Variants in MCF2L2 observed in about 807,000 individuals in gnomAD.
MCF2L2 encodes the protein MCF.2 cell line derived transforming sequence-like 2.
Under a neutral mutation model 150.2 loss-of-function variants are expected in MCF2L2, and 102 were observed. The observed-to-expected ratio is 0.68, with a 90% CI of 0.58 to 0.80. The LOEUF (loss-of-function observed/expected upper bound fraction) is 0.80, where lower values mean the gene tolerates loss of function less well. Ranked by LOEUF, MCF2L2 falls within the 30% of genes least tolerant of loss-of-function variation. The pLI is 0.00. For missense variants in MCF2L2, 1,256 were observed against 1,372.8 expected, an observed-to-expected ratio of 0.91 and a Z score of 1.34; for synonymous variants, 465 against 491.3, an observed-to-expected ratio of 0.95 and a Z score of 0.71.
Position 183,343,371 on chromosome 3 carries a change from A to AT in MCF2L2, c.276-1742dup, listed in dbSNP as rs199910390. Among the ~76,000 whole-genome samples, 396 of 140,890 alleles carry AT rather than the reference A, an allele frequency of 2.8e-3. 1 individual carries two copies. Among genetic ancestry groups the AT allele is most frequent in the Admixed American group, 3.8e-3 (53 of 13,974 alleles). The allele number at this position is 140,890 out of a possible 152,430, so 92.4% of individuals were successfully genotyped here. On this transcript the variant is annotated intron_variant, in intron 3 of 29. Transcript: ENST00000328913. ...GGAAATAATCCAACATGATAACTTGATTTTTTTTTTTTTTTTTGAGACGGA... is the reference window on the plus strand; with the variant it reads ...GGAAATAATCCAACATGATAACTTGATTTTTTTTTTTTTTTTTTGAGACGGA...
At chr3:183,294,260 C>G (rs9812907) in intron 13 of MCF2L2, among the ~76,000 whole-genome samples, 3,016 of 152,260 alleles carry the variant, frequency 0.02, 109 homozygotes, top group African/African-American at 0.069. Flanking sequence ...TTTTACTACT[C>G]CATTGCTAAT....
At chr3:183,272,671 T>C in intron 15 of MCF2L2, 1 of 1,004,852 alleles carries the variant, frequency 1.0e-6, no homozygotes, top group South Asian at 4.6e-5. Flanking sequence ...AGTTTAAGTT[T>C]TCTGACCAAT....
At chr3:183,277,138 C>G (rs1431740279) in intron 14 of MCF2L2, among the ~76,000 whole-genome samples, 181 bp from the exon 15 acceptor site, 2 of 152,036 alleles carry the variant, frequency 1.3e-5, no homozygotes, top group African/African-American at 4.8e-5. Flanking sequence ...ATGGTTTGCC[C>G]TTTTTGGCTT....
chr3:183,342,834 T>A (rs1730758034), intron 3 of MCF2L2, among the ~76,000 whole-genome samples: 1 of 152,208 alleles, frequency 6.6e-6, no homozygotes, highest in East Asian at 1.9e-4. Context: ...GTAGTTGGCC[T>A]ATAGTAAACC....
intron 1 of MCF2L2, among the ~76,000 whole-genome samples, chr3:183,412,896 T>C (rs1715393060): frequency 6.6e-6 from 1 of 152,146 alleles, no homozygotes; most frequent in South Asian, 2.1e-4. Flanking sequence ...TGAGGAAACT[T>C]CCTTCTACTC....
chr3:183,362,261 C>T (rs1241554147), intron 3 of MCF2L2, among the ~76,000 whole-genome samples: 1 of 152,068 alleles, frequency 6.6e-6, no homozygotes, highest in Non-Finnish European at 1.5e-5. Context: ...CACACCACCA[C>T]ACCCGGTTAA....
intron 3 of MCF2L2, among the ~76,000 whole-genome samples, chr3:183,349,318 A>C (rs2108550463): frequency 6.6e-6 from 1 of 152,324 alleles, no homozygotes; most frequent in East Asian, 1.9e-4. Flanking sequence ...CTCCAATATA[A>C]GTATTTCAAG....
chr3:183,287,756 G>A (rs1377639714), intron 14 of MCF2L2: 2 of 152,264 alleles, frequency 1.3e-5, no homozygotes, highest in South Asian at 4.1e-4. Flanking sequence ...ATTGGCAAAC[G>A]GACGCAGCTT....
intron 3 of MCF2L2, among the ~76,000 whole-genome samples, chr3:183,363,141 C>G (rs1451830287): frequency 6.6e-6 from 1 of 152,144 alleles, no homozygotes; most frequent in Non-Finnish European, 1.5e-5. Flanking sequence ...TAAATATTGA[C>G]AACACCAAAT....
intron 15 of MCF2L2, among the ~76,000 whole-genome samples, chr3:183,234,762 A>G (rs1438442335): frequency 1.8e-5 from 2 of 112,026 alleles, no homozygotes; most frequent in African/African-American, 7.3e-5. Context: ...TTAGTTACAT[A>G]TGTATACATG....
chr3:183,331,728 A>AG (rs1432473253), intron 5 of MCF2L2, among the ~76,000 whole-genome samples: 1 of 152,176 alleles, frequency 6.6e-6, no homozygotes, highest in Non-Finnish European at 1.5e-5. Context: ...GGCCAGCAAC[A>AG]GGGACTCAGA....
chr3:183,425,692 C>T (rs897092977), intron 1 of MCF2L2, among the ~76,000 whole-genome samples: 1 of 152,158 alleles, frequency 6.6e-6, no homozygotes, highest in African/African-American at 2.4e-5. Flanking sequence ...AAAAGATGAT[C>T]CTCTCTCACT....
Position 183,338,843 on chromosome 3 carries a change from A to C in MCF2L2, c.443T>G (p.Ile148Ser). 6 of 1,607,570 alleles carry C rather than the reference A, an allele frequency of 3.7e-6. No individual in the cohort carries two copies. Among genetic ancestry groups the C allele is most frequent in the Non-Finnish European group, 5.1e-6 (6 of 1,175,272 alleles). ...SRFIQRTFTD[I>S]GIKYYRNEFK... ...CTCATTTCGATAGTATTTAATGCCAATGTCAGTGAATGTCCTCTGGATAAA... is the reference window on the plus strand; with the variant it reads ...CTCATTTCGATAGTATTTAATGCCACTGTCAGTGAATGTCCTCTGGATAAA... The change falls in exon 5 of 30, where the codon ATT becomes AGT. Residue 148 changes from isoleucine (I) to serine (S), a missense_variant. Transcript: ENST00000328913.
At chr3:183,312,506 C>T (rs1345093340) in intron 7 of MCF2L2, among the ~76,000 whole-genome samples, 1 of 152,154 alleles carries the variant, frequency 6.6e-6, no homozygotes, top group African/African-American at 2.4e-5. Flanking sequence ...CAGAGCCTGA[C>T]CTAGAATTTT....
intron 16 of MCF2L2, 54 bp from the exon 17 acceptor site, chr3:183,229,835 T>C: frequency 1.3e-6 from 1 of 754,580 alleles, no homozygotes; most frequent in Admixed American, 2.5e-5. Context: ...CCAGAGATCA[T>C]CTGAATTAGC....
Position 183,270,059 on chromosome 3 carries a change from C to T in MCF2L2, c.1862+6813G>A, listed in dbSNP as rs748115958. 11 of 1,614,018 alleles carry T rather than the reference C, an allele frequency of 6.8e-6. No individual in the cohort carries two copies. The highest frequency in any genetic ancestry group is 4.4e-5 in the South Asian group (4 of 91,084). ...ACAAGGAAAAGTGTCAAGCTCAAGA[C>T]GTCCTCCTTTTACTGTTTGTAAAAA... is the stretch of plus-strand genomic sequence containing the variant. On this transcript the variant is annotated intron_variant, in intron 15 of 29. Transcript: ENST00000328913. This position sits in a 1 kb window ranked among gnomAD's most constrained non-coding sequence, Gnocchi z 4.5.
chr3:183,179,221 C>G lies in MCF2L2; in HGVS notation c.*159G>C. The G allele has an allele frequency of 1.9e-6, 2 of 1,027,010 alleles. No homozygotes were observed. The highest frequency in any genetic ancestry group is 2.6e-6 in the Non-Finnish European group (2 of 771,984). 63.6% of individuals were successfully genotyped at this position (1,027,010 alleles called of 1,614,324 possible). ...GGAGCTAGGCGCGCACCCAGGACAC[C>G]CCTCGGGCTCCTCGGAGGAGGCCCT... On this transcript the variant is annotated 3_prime_UTR_variant, in exon 30 of 30. Transcript: ENST00000328913. The surrounding 1 kb of genome is among the most constrained non-coding windows in gnomAD (Gnocchi z 4.2).
chr3:183,422,609 G>A (rs1163527388), intron 1 of MCF2L2, among the ~76,000 whole-genome samples: 1 of 152,162 alleles, frequency 6.6e-6, no homozygotes, highest in Non-Finnish European at 1.5e-5. Flanking sequence ...AGTTAGAGAA[G>A]ATGAGAAATG....
At chr3:183,272,480 C>G (rs1236520151) in intron 15 of MCF2L2, 1 of 998,370 alleles carries the variant, frequency 1.0e-6, no homozygotes, top group African/African-American at 1.7e-5. Flanking sequence ...ATGATACTTA[C>G]AATTTTTAGC....
Sources: gnomAD v4.1 joint callset for allele counts (sites outside exome capture counted in the v4.1 genomes callset) on GRCh38, gnomAD v4.1.1 for gene constraint, Gnocchi (gnomAD v3.1) non-coding constraint, MANE v1.5 for transcripts, NCBI Gene and HGNC (gene_info 2026-07-23, HGNC 2026-07-21) for gene names.